The following TRPM4 variants were observed in gnomAD, a reference collection of about 807,000 sequenced individuals.
The protein encoded by TRPM4 is calcium-activated non-selective cation channel 1.
A neutral mutation model predicts 135.6 loss-of-function variants in TRPM4; 124 were observed. The observed-to-expected ratio is 0.91, with a 90% CI of 0.79 to 1.06. The LOEUF is 1.06. Among genes scored for constraint, TRPM4 ranks in the 50% least tolerant of loss-of-function variants. The pLI, the probability that TRPM4 is intolerant of heterozygous loss-of-function variation, is 0.00. For missense variants in TRPM4, 1,658 were observed against 1,671.4 expected, an observed-to-expected ratio of 0.99 and a Z score of 0.14; for synonymous variants, 745 against 705.6, an observed-to-expected ratio of 1.06 and a Z score of -0.88.
chr19:49,160,219 T>G (rs11083962), intron 2 of TRPM4, among the ~76,000 whole-genome samples: 72,998 of 152,050 alleles, frequency 0.48, 17,688 homozygotes, highest in East Asian at 0.59. Context: ...GGCCGGGCAT[T>G]GTGGCTCACG....
intron 20 of TRPM4, among the ~76,000 whole-genome samples, chr19:49,205,136 C>T (rs894710655): frequency 2.0e-5 from 3 of 151,882 alleles, no homozygotes; most frequent in Non-Finnish European, 4.4e-5. Context: ...GTATTAGTTT[C>T]CTAGGGCCGC....
intron 10 of TRPM4, among the ~76,000 whole-genome samples, chr19:49,182,086 A>ATCCATCCATCCG (rs1568470242): frequency 2.1e-5 from 3 of 142,706 alleles, no homozygotes; most frequent in Non-Finnish European, 3.1e-5. Context: ...CCATCCATCC[A>ATCCATCCATCCG]TCCATCTGTC....
chr19:49,182,692 C>T lies in TRPM4; in HGVS notation c.1378C>T (p.Leu460=). The change falls in exon 11 of 25, where the codon CTG becomes TTG. Residue 460 remains leucine (L), a synonymous_variant. Coordinates refer to ENST00000252826, the MANE Select transcript of TRPM4 (RefSeq NM_017636.4). ...GGGCCACTTCCTGACCCCGATGCGC[C>T]TGGCCCAACTCTACAGCGCGGCGCC... ...SLGHFLTPMR[L]AQLYSAAPSN... is the part of the protein sequence containing the mutation. 6.2e-7 allele frequency: 1 copy of T among 1,614,218 alleles called. No individual in the cohort carries two copies.
At chr19:49,162,801 G>T (rs905989625) in intron 2 of TRPM4, among the ~76,000 whole-genome samples, 2 of 151,764 alleles carry the variant, frequency 1.3e-5, no homozygotes, top group African/African-American at 2.4e-5. Context: ...TCGCTCTGTC[G>T]CCCAGGCTGG....
intron 12 of TRPM4, among the ~76,000 whole-genome samples, chr19:49,184,970 G>T (rs918603587): frequency 1.3e-5 from 2 of 149,752 alleles, no homozygotes; most frequent in African/African-American, 4.9e-5. Flanking sequence ...AATAAATTCA[G>T]TGTTCACATT....
In TRPM4 at chr19:49,182,729, T is replaced by C; in HGVS notation, c.1415T>C (p.Leu472Pro). The part of the protein sequence containing the change: ...QLYSAAPSNS[L>P]IRNLLDQASH... ...TACAGCGCGGCGCCCTCCAACTCGCTCATCCGCAACCTTTTGGACCAGGCG... is the reference window on the plus strand; with the variant it reads ...TACAGCGCGGCGCCCTCCAACTCGCCCATCCGCAACCTTTTGGACCAGGCG... Residue 472 changes from leucine to proline, a missense_variant, in exon 11 of 25, where the codon CTC (leucine) becomes CCC (proline). Physicochemically the swap from Leu to Pro is moderately conservative, Grantham distance 98. Around this residue, in one of 3 missense-constraint regions of TRPM4, gnomAD observed 1,412 missense variants for 1,408.7 expected, o/e 1.00. Coordinates refer to ENST00000252826, the MANE Select transcript of TRPM4 (RefSeq NM_017636.4). 1.2e-6 allele frequency: 2 copies of C among 1,614,136 alleles called. No homozygotes were observed. Among genetic ancestry groups the C allele is most frequent in the Non-Finnish European group, 1.7e-6 (2 of 1,180,006 alleles).
chr19:49,163,472 T>G (rs1027037603), intron 2 of TRPM4, among the ~76,000 whole-genome samples: 10 of 151,534 alleles, frequency 6.6e-5, no homozygotes, highest in Non-Finnish European at 1.3e-4. Flanking sequence ...GGGATTACAG[T>G]CATGAGCCAC....
rs563653636 is a variant in TRPM4, at chr19:49,210,676, G to T, written c.3329-34G>T. On this transcript the variant is annotated intron_variant, in intron 21 of 24. Transcript: ENST00000252826. This position sits in a 1 kb window ranked among gnomAD's most constrained non-coding sequence, Gnocchi z 4.1. ...GGCAGCTGGGATTGGGAAGGGGCGT[G>T]GCCTGAGCCCTTTGACTCCGCCCGC... 1 of 1,613,802 alleles carries T rather than the reference G, an allele frequency of 6.2e-7. No individual in the cohort carries two copies. Among genetic ancestry groups the T allele is most frequent in the South Asian group, 1.1e-5 (1 of 90,982 alleles).
At chr19:49,188,213 C>T (rs974714226) in intron 12 of TRPM4, among the ~76,000 whole-genome samples, 19 of 152,094 alleles carry the variant, frequency 1.2e-4, no homozygotes, top group African/African-American at 2.7e-4. Flanking sequence ...CAGGAATGAG[C>T]GAGGACAGCT....
At chr19:49,189,520 A>G (rs1009331040) in intron 14 of TRPM4, among the ~76,000 whole-genome samples, 4 of 147,640 alleles carry the variant, frequency 2.7e-5, no homozygotes, top group African/African-American at 1.1e-4. Context: ...AGCAGTTAGA[A>G]TGGCCTCACT....
chr19:49,205,844 A>G (rs1969128458), intron 20 of TRPM4, among the ~76,000 whole-genome samples: 1 of 151,918 alleles, frequency 6.6e-6, no homozygotes, highest in African/African-American at 2.4e-5. Flanking sequence ...CCGGACTTCA[A>G]CATATCTTTA....
Position 49,188,702 on chromosome 19 carries a change from T to G in TRPM4, c.1805T>G (p.Leu602Arg). The change falls in exon 13 of 25, where the codon CTG becomes CGG. Residue 602 changes from leucine (L) to arginine (R), a missense_variant. Coordinates refer to ENST00000252826, the MANE Select transcript of TRPM4 (RefSeq NM_017636.4). ...ACLLLRVMARLEPDAEEAARR... is the reference protein window; with the variant it reads ...ACLLLRVMARREPDAEEAARR... ...TTGCTGCTCCGGGTGATGGCACGCC[T>G]GGAGCCTGACGCTGAGGAGGCAGCA... is the stretch of plus-strand genomic sequence containing the variant. 6.2e-7 allele frequency: 1 copy of G among 1,614,182 alleles called. No individual in the cohort carries two copies. The highest frequency in any genetic ancestry group is 2.2e-5 in the East Asian group (1 of 44,874).
At chr19:49,199,820 T>C (rs1259028761) in intron 17 of TRPM4, among the ~76,000 whole-genome samples, 1 of 152,170 alleles carries the variant, frequency 6.6e-6, no homozygotes, top group Non-Finnish European at 1.5e-5. Flanking sequence ...TTTTAATCCA[T>C]CCAAAGTTTA....
At chr19:49,175,157 C>A (rs111656994) in intron 9 of TRPM4, among the ~76,000 whole-genome samples, 2,095 of 148,920 alleles carry the variant, frequency 0.014, 49 homozygotes, top group African/African-American at 0.05. Flanking sequence ...CTCACTGCAA[C>A]CTCCGCCTCC....
chr19:49,182,144 CCATCCATT>C (rs1168523268), intron 10 of TRPM4, among the ~76,000 whole-genome samples: 2 of 145,264 alleles, frequency 1.4e-5, no homozygotes, highest in Non-Finnish European at 3.0e-5. Flanking sequence ...ATTCATCCAT[CCATCCATT>C]CATCTGTCCA....
chr19:49,185,757 T>C (rs1301951387), intron 12 of TRPM4, among the ~76,000 whole-genome samples: 4 of 151,956 alleles, frequency 2.6e-5, no homozygotes, highest in Non-Finnish European at 4.4e-5. Flanking sequence ...TTTCTTTTTT[T>C]TGGGGGGAGG....
At chr19:49,183,278 A>G in intron 12 of TRPM4, 66 bp downstream of exon 12, 7 of 1,607,152 alleles carry the variant, frequency 4.4e-6, no homozygotes, top group Non-Finnish European at 5.1e-6. Flanking sequence ...TGTTCCCGAA[A>G]CAATTACCAT....
At chr19:49,166,299 T>G in intron 3 of TRPM4, 84 bp downstream of exon 3, 3 of 1,419,160 alleles carry the variant, frequency 2.1e-6, no homozygotes, top group Non-Finnish European at 2.8e-6. Context: ...ACGCCCGCCC[T>G]GAACCCTGGC....
intron 9 of TRPM4, among the ~76,000 whole-genome samples, chr19:49,174,852 G>A (rs1270026006): frequency 6.6e-6 from 1 of 151,232 alleles, no homozygotes; most frequent in African/African-American, 2.4e-5. Flanking sequence ...AAGTATTCAG[G>A]AAGATTCCCA....
Sources: gnomAD v4.1 joint callset for allele counts (sites outside exome capture counted in the v4.1 genomes callset) on GRCh38, gnomAD v4.1.1 for gene constraint, gnomAD v4.1.1 regional missense constraint, Gnocchi (gnomAD v3.1) non-coding constraint, MANE v1.5 for transcripts, NCBI Gene and HGNC (gene_info 2026-07-23, HGNC 2026-07-21) for gene names.